TGFBR1: variants seen among roughly 807,000 people sequenced by gnomAD.
TGFBR1 encodes transforming growth factor beta receptor 1.
Under a neutral mutation model 55.1 loss-of-function variants are expected in TGFBR1, and 20 were observed. The observed-to-expected ratio is 0.36, with a 90% CI of 0.26 to 0.53. The LOEUF (loss-of-function observed/expected upper bound fraction) is 0.53. Ranked by LOEUF, TGFBR1 falls within the 20% of genes least tolerant of loss-of-function variation. The pLI is 0.91. For synonymous variants in TGFBR1, 220 were observed against 214.8 expected (o/e 1.02, Z -0.21); for missense variants, 385 against 617.6 (o/e 0.62, Z 3.99).
intron 1 of TGFBR1, among the ~76,000 whole-genome samples, chr9:99,117,176 C>G (rs1388645901): frequency 6.6e-6 from 1 of 152,112 alleles, no homozygotes; most frequent in African/African-American, 2.4e-5. Flanking sequence ...CAACCTCTGC[C>G]TCCTGGGTTC....
At chr9:99,110,551 A>G (rs2118263589) in intron 1 of TGFBR1, among the ~76,000 whole-genome samples, 1 of 152,348 alleles carries the variant, frequency 6.6e-6, no homozygotes, top group South Asian at 2.1e-4. Flanking sequence ...CTCTACCCCA[A>G]GATTCTTTTC....
At chr9:99,118,627 CCTTA>C (rs1588566710) in intron 1 of TGFBR1, among the ~76,000 whole-genome samples, 3 of 150,914 alleles carry the variant, frequency 2.0e-5, no homozygotes, top group East Asian at 1.9e-4. Context: ...TGCCAAACTC[CCTTA>C]CTGTTTTCTT....
At chr9:99,128,159 G>T (rs1294059749) in intron 1 of TGFBR1, among the ~76,000 whole-genome samples, 1 of 152,198 alleles carries the variant, frequency 6.6e-6, no homozygotes. Flanking sequence ...ATACAAGTGG[G>T]CATGAAGCTA....
At chr9:99,147,462 G>A (rs1057359308) in intron 7 of TGFBR1, among the ~76,000 whole-genome samples, 192 bp from the exon 8 acceptor site, 2 of 152,170 alleles carry the variant, frequency 1.3e-5, no homozygotes, top group African/African-American at 4.8e-5. Flanking sequence ...GTTTCAAGGT[G>A]TGGGTGGAAT....
At chr9:99,146,724 C>T (rs966137873) in intron 7 of TGFBR1, 115 bp downstream of exon 7, 44 of 1,503,232 alleles carry the variant, frequency 2.9e-5, no homozygotes, top group Non-Finnish European at 3.9e-5. Context: ...AACAGGATGT[C>T]ACCGAGTGCC....
At chr9:99,117,066 T>G (rs1826766960) in intron 1 of TGFBR1, among the ~76,000 whole-genome samples, 1 of 152,118 alleles carries the variant, frequency 6.6e-6, no homozygotes, top group African/African-American at 2.4e-5. Context: ...CTGCTTTGCT[T>G]TGGTATTTTG....
At chr9:99,105,620 G>T (rs1238996204) in intron 1 of TGFBR1, among the ~76,000 whole-genome samples, 1 of 151,776 alleles carries the variant, frequency 6.6e-6, no homozygotes, top group Non-Finnish European at 1.5e-5. Flanking sequence ...CCTCTGGGGT[G>T]TGAGTGGGCG....
Position 99,153,175 on chromosome 9 carries a change from CAA to C in TGFBR1, c.*3871_*3872del, listed in dbSNP as rs1002225829. The C allele has an allele frequency of 1.4e-4, 31 of 225,196 alleles. No individual in the cohort carries two copies. Among genetic ancestry groups the C allele is most frequent in the South Asian group, 5.5e-4 (3 of 5,458 alleles). The allele number at this position is 225,196 out of a possible 1,614,324, so 13.9% of individuals were successfully genotyped here. A position where few individuals can be genotyped will look rare whatever the true frequency, so the allele number is the denominator to read the frequency against. On this transcript the variant is annotated 3_prime_UTR_variant, in exon 9 of 9. Coordinates refer to ENST00000374994, the MANE Select transcript of TGFBR1 (RefSeq NM_004612.4). Reference sequence around the variant, plus strand: ...ATTGCTTTAAACTTAAATTACCTCTCAAGAGACCAAGGTACATTTACCTCATT... The same window carrying C: ...ATTGCTTTAAACTTAAATTACCTCTCGAGACCAAGGTACATTTACCTCATT...
At chr9:99,144,695 C>T (rs777928682) in intron 5 of TGFBR1, 37 bp from the exon 6 acceptor site, 1 of 1,612,284 alleles carries the variant, frequency 6.2e-7, no homozygotes, top group Admixed American at 1.7e-5. Context: ...ATTGGTATTA[C>T]CTTTTAAGCA....
At chr9:99,119,618 T>C (rs1181074816) in intron 1 of TGFBR1, among the ~76,000 whole-genome samples, 1 of 152,242 alleles carries the variant, frequency 6.6e-6, no homozygotes, top group Non-Finnish European at 1.5e-5. Flanking sequence ...TCATATTCCT[T>C]CCAGCATGAA....
chr9:99,107,526 T>A (rs957407505), intron 1 of TGFBR1, among the ~76,000 whole-genome samples: 2 of 152,194 alleles, frequency 1.3e-5, no homozygotes, highest in Non-Finnish European at 2.9e-5. Context: ...ATCCAACTCT[T>A]CTATGAATGC....
chr9:99,135,006 T>G (rs1827389635), intron 3 of TGFBR1, among the ~76,000 whole-genome samples: 1 of 151,690 alleles, frequency 6.6e-6, no homozygotes, highest in Non-Finnish European at 1.5e-5. Flanking sequence ...ATTTCATCTT[T>G]AAAATGAAAG....
chr9:99,134,172 A>G (rs1213533455), intron 3 of TGFBR1, among the ~76,000 whole-genome samples: 1 of 152,240 alleles, frequency 6.6e-6, no homozygotes, highest in Admixed American at 6.5e-5. Context: ...AAATGAATAT[A>G]TATTGGTATG....
chr9:99,128,816 A>C (rs939647667), intron 1 of TGFBR1, 39 bp from the exon 2 acceptor site: 4 of 1,611,886 alleles, frequency 2.5e-6, no homozygotes, highest in Non-Finnish European at 3.4e-6. Flanking sequence ...CAAACTGTTA[A>C]CCTTGAGATT....
chr9:99,120,448 A>G (rs1034846806), intron 1 of TGFBR1, among the ~76,000 whole-genome samples: 9 of 152,220 alleles, frequency 5.9e-5, no homozygotes, highest in African/African-American at 1.4e-4. Context: ...TGTATATTAA[A>G]ATATCCCCTC....
rs921138984 is a variant in TGFBR1 at position 99,145,585 on chromosome 9, C to T, written c.1130+697C>T. ...GATCCTCAGTAGATATTTGTTGAGT[C>T]CATGAGTCTTCAAAAGAACTTAATT... On this transcript the variant is annotated intron_variant, in intron 6 of 8. Coordinates refer to ENST00000374994, the MANE Select transcript of TGFBR1 (RefSeq NM_004612.4). Among the ~76,000 whole-genome samples, 3 of 152,328 alleles carry T rather than the reference C, an allele frequency of 2.0e-5. No individual in the cohort carries two copies. The East Asian group carries it at 5.8e-4, about 29-fold the overall frequency.
chr9:99,153,034 A>C lies in TGFBR1; in HGVS notation c.*3729A>C, dbSNP rs1419985427. ...AGTGAATTTGTTTTTATTTTTTAAC[A>C]AGATTTGTGAACTGAATATCATGAA... On this transcript the variant is annotated 3_prime_UTR_variant, in exon 9 of 9. Coordinates refer to ENST00000374994, the MANE Select transcript of TGFBR1 (RefSeq NM_004612.4). The C allele has an allele frequency of 8.8e-6, 2 of 228,024 alleles. No individual in the cohort carries two copies. The highest frequency in any genetic ancestry group is 1.7e-5 in the Non-Finnish European group (2 of 114,526). The allele number at this position is 228,024 out of a possible 1,614,324, so 14.1% of individuals were successfully genotyped here.
intron 1 of TGFBR1, among the ~76,000 whole-genome samples, chr9:99,127,240 C>A (rs1564146054): frequency 6.6e-6 from 1 of 152,158 alleles, no homozygotes; most frequent in Non-Finnish European, 1.5e-5. Flanking sequence ...ATTCTCTCAA[C>A]AACAATGTGT....
intron 3 of TGFBR1, among the ~76,000 whole-genome samples, chr9:99,134,550 A>G (rs1420624274): frequency 1.3e-5 from 2 of 152,130 alleles, no homozygotes; most frequent in Middle Eastern, 3.4e-3. Context: ...AAACTGTGAT[A>G]ATCAAGGACC....
Sources: gnomAD v4.1 joint callset for allele counts (sites outside exome capture counted in the v4.1 genomes callset) on GRCh38, gnomAD v4.1.1 for gene constraint, MANE v1.5 for transcripts, NCBI Gene and HGNC (gene_info 2026-07-23, HGNC 2026-07-21) for gene names.